Variants in ARB2A observed in about 807,000 individuals in gnomAD.
The protein encoded by ARB2A is cotranscriptional regulator ARB2A.
At chr5:93,897,055 G>A in the ARB2A span, among the ~76,000 whole-genome samples, 1 of 151,956 alleles carries the variant, frequency 6.6e-6, no homozygotes, top group South Asian at 2.1e-4. Context: ...GAAAGTATAG[G>A]TTGGCATATA....
the ARB2A span, among the ~76,000 whole-genome samples, chr5:93,969,138 C>G: frequency 3.3e-5 from 5 of 149,462 alleles, no homozygotes; most frequent in South Asian, 1.0e-3. Flanking sequence ...ACAGGAGAGT[C>G]AGACAAGAAA....
At chr5:93,881,777 A>G in the ARB2A span, 1 of 796,796 alleles carries the variant, frequency 1.3e-6, no homozygotes, top group Admixed American at 3.6e-5. Flanking sequence ...AGTCTAAGCA[A>G]TTTTTATATA....
chr5:93,685,532 T>C, the ARB2A span, among the ~76,000 whole-genome samples: 4 of 152,166 alleles, frequency 2.6e-5, no homozygotes, highest in African/African-American at 9.7e-5. Context: ...CCATGACATT[T>C]CCCACCAATG....
chr5:93,621,496 C>G, the ARB2A span, among the ~76,000 whole-genome samples: 1 of 152,228 alleles, frequency 6.6e-6, no homozygotes, highest in Non-Finnish European at 1.5e-5. Context: ...CGCGGCTGGC[C>G]GCCCGAGGCC....
At chr5:94,087,065 T>C in the ARB2A span, among the ~76,000 whole-genome samples, 8 of 152,278 alleles carry the variant, frequency 5.3e-5, no homozygotes, top group East Asian at 1.2e-3. Context: ...GACAGTGTTA[T>C]TGATGATCCT....
the ARB2A span, among the ~76,000 whole-genome samples, chr5:93,936,577 T>C: frequency 4.0e-3 from 603 of 152,288 alleles, 5 homozygotes; most frequent in African/African-American, 0.014. Flanking sequence ...ATAATTAATG[T>C]TATTTGGAAG....
chr5:93,730,077 C>T, the ARB2A span, among the ~76,000 whole-genome samples: 1 of 152,052 alleles, frequency 6.6e-6, no homozygotes, highest in East Asian at 1.9e-4. Context: ...ATGCAAGAAA[C>T]TCAGTTTAAA....
the ARB2A span, among the ~76,000 whole-genome samples, chr5:94,038,340 C>A: frequency 6.6e-6 from 1 of 151,988 alleles, no homozygotes; most frequent in Admixed American, 6.6e-5. Context: ...ATTATATATA[C>A]ACTAAAGTAC....
At chr5:93,767,261 G>C in the ARB2A span, among the ~76,000 whole-genome samples, 1 of 152,006 alleles carries the variant, frequency 6.6e-6, no homozygotes, top group Non-Finnish European at 1.5e-5. Context: ...TATACAAATG[G>C]CCAACAAACA....
the ARB2A span, among the ~76,000 whole-genome samples, chr5:93,971,610 A>AAATAAAAC: frequency 6.7e-6 from 1 of 149,562 alleles, no homozygotes; most frequent in Non-Finnish European, 1.5e-5. Context: ...ATAAATAAAT[A>AAATAAAAC]AAACAAAAAT....
the ARB2A span, among the ~76,000 whole-genome samples, chr5:93,729,844 G>A: frequency 6.6e-5 from 10 of 151,972 alleles, no homozygotes; most frequent in South Asian, 2.1e-4. Context: ...ACATGGAATC[G>A]TTGTTGTCCT....
chr5:93,982,736 TA>T, the ARB2A span, among the ~76,000 whole-genome samples: 1 of 152,162 alleles, frequency 6.6e-6, no homozygotes, highest in Admixed American at 6.5e-5. Context: ...AACTGTGACA[TA>T]AGGGTGTATT....
chr5:93,743,080 C>T, the ARB2A span: 1 of 152,212 alleles, frequency 6.6e-6, no homozygotes. Flanking sequence ...CTTCCTGGGC[C>T]CTTAAATACC....
At chr5:93,873,409 G>A in the ARB2A span, among the ~76,000 whole-genome samples, 4 of 136,600 alleles carry the variant, frequency 2.9e-5, no homozygotes, top group Non-Finnish European at 3.1e-5. Flanking sequence ...AGGGGAAGGG[G>A]AAAGGAAAGG....
the ARB2A span, among the ~76,000 whole-genome samples, chr5:93,837,208 ATGG>A: frequency 6.6e-6 from 1 of 152,082 alleles, no homozygotes; most frequent in Non-Finnish European, 1.5e-5. Flanking sequence ...GTGAGAACAT[ATGG>A]TATTTGGTTT....
the ARB2A span, among the ~76,000 whole-genome samples, chr5:94,019,468 G>C: frequency 1.3e-5 from 2 of 152,130 alleles, no homozygotes; most frequent in South Asian, 2.1e-4. Context: ...CCATCAAAAA[G>C]TGGGCAAAGG....
the ARB2A span, among the ~76,000 whole-genome samples, chr5:93,945,747 C>A: frequency 6.6e-6 from 1 of 152,210 alleles, no homozygotes; most frequent in Middle Eastern, 3.4e-3. Flanking sequence ...AAAAAAGTTT[C>A]TCAGAACTAA....
the ARB2A span, among the ~76,000 whole-genome samples, chr5:93,710,098 A>G: frequency 5.3e-5 from 8 of 152,336 alleles, no homozygotes; most frequent in Middle Eastern, 3.4e-3. Flanking sequence ...CACAGTAAAG[A>G]CAACCATTTC....
At chr5:94,059,363 C>A in the ARB2A span, among the ~76,000 whole-genome samples, 2 of 151,836 alleles carry the variant, frequency 1.3e-5, no homozygotes, top group Admixed American at 1.3e-4. Context: ...TTGCTCATAC[C>A]TGTAATCCCA....
Sources: allele counts gnomAD v4.1 joint callset (sites outside exome capture counted in the v4.1 genomes callset), GRCh38; gene constraint gnomAD v4.1.1; transcripts MANE v1.5; gene names NCBI Gene and HGNC (gene_info 2026-07-23, HGNC 2026-07-21).